Variants in CHIC2 observed in about 807,000 individuals in gnomAD.
CHIC2 encodes cysteine-rich hydrophobic domain-containing protein 2.
In CHIC2, 14 loss-of-function variants were observed where a neutral mutation model predicts 25.9. The observed-to-expected ratio is 0.54, with a 90% CI of 0.36 to 0.85. The LOEUF (loss-of-function observed/expected upper bound fraction) is 0.85. CHIC2 is among the 40% of genes least tolerant of loss of function. CHIC2 has a pLI of 0.01. For synonymous variants in CHIC2, 70 were observed against 72.0 expected (o/e 0.97, Z 0.14); for missense variants, 146 against 202.0 (o/e 0.72, Z 1.68).
chr4:54,072,790 C>T, the CHIC2 span, among the ~76,000 whole-genome samples: 6 of 152,000 alleles, frequency 3.9e-5, no homozygotes, highest in South Asian at 4.2e-4. Flanking sequence ...AAGATGTGCG[C>T]GTCTGGGCGT....
At chr4:54,035,837 T>C (rs1716366555) in intron 3 of CHIC2, among the ~76,000 whole-genome samples, 1 of 152,162 alleles carries the variant, frequency 6.6e-6, no homozygotes, top group South Asian at 2.1e-4. Flanking sequence ...CTTTCAGTGG[T>C]ATAAATTTCC....
At chr4:54,013,964 T>C (rs373202941) in intron 4 of CHIC2, 68 bp from the exon 5 acceptor site, 5 of 1,593,930 alleles carry the variant, frequency 3.1e-6, no homozygotes, top group African/African-American at 2.7e-5. Flanking sequence ...GACTAACCCA[T>C]TTGTCCACCT....
chr4:54,086,497 C>T, the CHIC2 span, among the ~76,000 whole-genome samples: 2 of 152,114 alleles, frequency 1.3e-5, no homozygotes, highest in Non-Finnish European at 2.9e-5. Context: ...ACCCAGTAGA[C>T]ATAAATATCC....
At chr4:54,089,996 AATAAGCTGTATGTG>A in the CHIC2 span, among the ~76,000 whole-genome samples, 1 of 152,202 alleles carries the variant, frequency 6.6e-6, no homozygotes, top group African/African-American at 2.4e-5. Flanking sequence ...ATGTACACTG[AATAAGCTGTATGTG>A]AAATATAAAT....
intron 3 of CHIC2, among the ~76,000 whole-genome samples, chr4:54,021,509 C>G (rs1380937335): frequency 6.6e-6 from 1 of 152,104 alleles, no homozygotes; most frequent in East Asian, 1.9e-4. Context: ...CTCCCCGACC[C>G]TATAATCTTT....
intron 3 of CHIC2, among the ~76,000 whole-genome samples, chr4:54,023,790 C>T (rs780220061): frequency 2.0e-5 from 3 of 152,242 alleles, no homozygotes; most frequent in Non-Finnish European, 4.4e-5. Context: ...AAAAGGACTA[C>T]GCATCAATAT....
At chr4:54,022,379 T>C (rs1019815883) in intron 3 of CHIC2, among the ~76,000 whole-genome samples, 6 of 152,106 alleles carry the variant, frequency 3.9e-5, no homozygotes, top group Admixed American at 3.9e-4. Flanking sequence ...TAAATTAATA[T>C]GGAGGCTACC....
chr4:54,050,710 C>G (rs1478132987), intron 1 of CHIC2, among the ~76,000 whole-genome samples: 2 of 152,012 alleles, frequency 1.3e-5, no homozygotes, highest in Non-Finnish European at 2.9e-5. Context: ...ACATACTGTA[C>G]AGGTTTGTAG....
At chr4:54,023,777 T>TG (rs1461705762) in intron 3 of CHIC2, among the ~76,000 whole-genome samples, 1 of 152,206 alleles carries the variant, frequency 6.6e-6, no homozygotes, top group African/African-American at 2.4e-5. Context: ...CCCTCACTCT[T>TG]GCAAAAGGAC....
intron 3 of CHIC2, among the ~76,000 whole-genome samples, chr4:54,041,588 T>G (rs1035699301): frequency 2.6e-5 from 4 of 152,214 alleles, no homozygotes. Context: ...ATGGATTTGT[T>G]GCTATCTCAT....
At chr4:54,021,449 G>A (rs1024674235) in intron 3 of CHIC2, among the ~76,000 whole-genome samples, 2 of 151,962 alleles carry the variant, frequency 1.3e-5, no homozygotes, top group African/African-American at 2.4e-5. Context: ...CTCCTCCCCA[G>A]GCTGCTCCTC....
chr4:54,025,656 CG>C (rs1716036898), intron 3 of CHIC2, among the ~76,000 whole-genome samples: 2 of 151,832 alleles, frequency 1.3e-5, no homozygotes, highest in Admixed American at 6.6e-5. Context: ...CCTAGAAGTT[CG>C]AGACCAGCCT....
At chr4:54,031,002 C>T (rs1047262573) in intron 3 of CHIC2, among the ~76,000 whole-genome samples, 3 of 151,660 alleles carry the variant, frequency 2.0e-5, no homozygotes, top group Admixed American at 1.3e-4. Flanking sequence ...GCCTCAGCCT[C>T]TTGTGTAGCT....
the CHIC2 span, among the ~76,000 whole-genome samples, chr4:54,080,960 A>G: frequency 7.9e-4 from 99 of 125,292 alleles, 1 homozygote; most frequent in South Asian, 6.4e-3. Context: ...ATATATATAT[A>G]TATATATATA....
At chr4:54,044,118 C>T (rs140165135) in intron 3 of CHIC2, among the ~76,000 whole-genome samples, 1,564 of 152,200 alleles carry the variant, frequency 0.01, 23 homozygotes, top group African/African-American at 0.035. Context: ...CCTAAATATA[C>T]ATGCACCCAA....
chr4:54,048,155 AT>A (rs1716894332), intron 3 of CHIC2, among the ~76,000 whole-genome samples: 1 of 151,916 alleles, frequency 6.6e-6, no homozygotes, highest in African/African-American at 2.4e-5. Flanking sequence ...CGCCTGGCTA[AT>A]TTTTTGTATT....
At chr4:54,038,851 G>A (rs567209020) in intron 3 of CHIC2, among the ~76,000 whole-genome samples, 321 of 151,774 alleles carry the variant, frequency 2.1e-3, no homozygotes, top group Non-Finnish European at 2.4e-3. Flanking sequence ...GCAAGACCCT[G>A]TCTCCTTTTT....
chr4:54,087,619 A>G, the CHIC2 span: 1 of 636,908 alleles, frequency 1.6e-6, no homozygotes. Flanking sequence ...GTTATTTGTA[A>G]GAATAGGAGA....
upstream of CHIC2, among the ~76,000 whole-genome samples, chr4:54,067,300 G>C (rs761362544): frequency 4.3e-5 from 3 of 69,154 alleles, no homozygotes; most frequent in African/African-American, 1.5e-4. Context: ...GTGTGTCTGT[G>C]TGTGTGTGTG....
Sources: allele counts gnomAD v4.1 joint callset (sites outside exome capture counted in the v4.1 genomes callset), GRCh38; gene constraint gnomAD v4.1.1; transcripts MANE v1.5; gene names NCBI Gene and HGNC (gene_info 2026-07-23, HGNC 2026-07-21).